Variants in NEBL observed in about 807,000 individuals in gnomAD.
The protein encoded by NEBL is LIM and SH3 protein 2.
In NEBL, 122 loss-of-function variants were observed where a neutral mutation model predicts 140.2. The observed-to-expected ratio is 0.87, with a 90% CI of 0.75 to 1.01. NEBL has a LOEUF of 1.01. Ranked by LOEUF, NEBL falls within the 50% of genes least tolerant of loss-of-function variation. The probability of loss-of-function intolerance (pLI) is 0.00; values close to 1 mark genes in which losing one functional copy is unlikely to be tolerated. For synonymous variants in NEBL, 436 were observed against 398.9 expected, an observed-to-expected ratio of 1.09 and a Z score of -1.11; for missense variants, 1,365 against 1,231.3, an observed-to-expected ratio of 1.11 and a Z score of -1.62.
intron 4 of NEBL, among the ~76,000 whole-genome samples, chr10:20,913,066 A>G (rs1281114069): frequency 1.3e-5 from 2 of 151,800 alleles, no homozygotes; most frequent in Non-Finnish European, 2.9e-5. Context: ...CCTGCTGTAA[A>G]TTGTTTTGAA....
chr10:20,947,527 AACTTCTAAAGATAT>A (rs1835228162), intron 4 of NEBL, among the ~76,000 whole-genome samples: 1 of 152,226 alleles, frequency 6.6e-6, no homozygotes, highest in Non-Finnish European at 1.5e-5. Context: ...CTAAATATTT[AACTTCTAAAGATAT>A]AATTGTAACA....
chr10:20,969,544 C>CTTT (rs771623257), intron 3 of NEBL, among the ~76,000 whole-genome samples: 9 of 115,754 alleles, frequency 7.8e-5, no homozygotes, highest in Non-Finnish European at 1.1e-4. Flanking sequence ...TTTTTCTTTT[C>CTTT]TTTTTTTTTT....
chr10:20,819,510 A>G lies in NEBL; in HGVS notation c.1969T>C (p.Tyr657His). 1 of 1,613,936 alleles carries G rather than the reference A, an allele frequency of 6.2e-7. No individual in the cohort carries two copies. Among genetic ancestry groups the G allele is most frequent in the African/African-American group, 1.3e-5 (1 of 74,994 alleles). Residue 657 changes from tyrosine to histidine, a missense_variant, in exon 20 of 28, where the codon TAT (tyrosine) becomes CAT (histidine). By Grantham distance (83) the Tyr-to-His change is moderately conservative. Around this residue, in one of 2 missense-constraint regions of NEBL, gnomAD observed 1,323 missense variants for 1,154.8 expected, o/e 1.15. Transcript: ENST00000377122. The part of the protein sequence containing the change: ...ENQKNISNLQ[Y>H]KEQNYKATPV... ...GTGGCCTTGTAGTTTTGCTCTTTAT[A>G]CTGGAGCTGAGAGACAAGGTGCAAG...
At chr10:20,882,597 TA>T (rs996263513) in intron 4 of NEBL, among the ~76,000 whole-genome samples, 11 of 152,206 alleles carry the variant, frequency 7.2e-5, no homozygotes, top group Non-Finnish European at 1.5e-4. Context: ...ATGAGTTTAC[TA>T]AACATTCTTG....
In NEBL at chr10:20,809,866, T is replaced by A; in HGVS notation, c.2551A>T (p.Ile851Phe). 6.2e-7 allele frequency: 1 copy of A among 1,610,536 alleles called. No individual in the cohort carries two copies. Among genetic ancestry groups the A allele is most frequent in the Non-Finnish European group, 8.5e-7 (1 of 1,179,530 alleles). ...LKVWRTDPGS[I>F]FDLDPLEDNI... ...TCTTCCAGGGGATCAAGGTCGAAGA[T>A]GGAGCCAGGATCTGTGCGCCAAACT... Residue 851 changes from isoleucine (I) to phenylalanine (F), a missense_variant, in exon 25 of 28, where the codon ATC (isoleucine) becomes TTC (phenylalanine). Physicochemically the swap from Ile to Phe is conservative, Grantham distance 21. This residue lies in a region of NEBL where 1,323 missense variants were observed against 1,154.8 expected (regional missense o/e 1.15). Transcript: ENST00000377122.
Position 21,129,991 on chromosome 10 carries a change from T to C in NEBL, c.164+42392A>G, listed in dbSNP as rs896106947. ...AAAAAAATATGACCTAACCATATTTTGTCTACAAGAAACCCATTTTAAACA... is the reference window on the plus strand; with the variant it reads ...AAAAAAATATGACCTAACCATATTTCGTCTACAAGAAACCCATTTTAAACA... On this transcript the variant is annotated intron_variant, in intron 2 of 6. Coordinates refer to the NEBL transcript ENST00000417816. Among the ~76,000 whole-genome samples, 6 of 152,150 alleles carry C rather than the reference T, an allele frequency of 3.9e-5. No homozygotes were observed. In the South Asian group the frequency reaches 6.2e-4, roughly 16 times the overall value.
chr10:20,806,155 C>G (rs539247394), intron 26 of NEBL, among the ~76,000 whole-genome samples: 6 of 152,232 alleles, frequency 3.9e-5, no homozygotes, highest in Admixed American at 2.0e-4. Flanking sequence ...AGGTGATTAA[C>G]TAACAGCAGC....
intron 3 of NEBL, among the ~76,000 whole-genome samples, chr10:21,235,642 G>C (rs1842338506): frequency 6.6e-6 from 1 of 152,202 alleles, no homozygotes; most frequent in Non-Finnish European, 1.5e-5. Flanking sequence ...TTCAACAGTT[G>C]TTCTCCCAAA....
chr10:20,985,053 G>A (rs1467246729), intron 3 of NEBL, among the ~76,000 whole-genome samples: 1 of 151,968 alleles, frequency 6.6e-6, no homozygotes, highest in Non-Finnish European at 1.5e-5. Flanking sequence ...ATAAGCTCGG[G>A]GCACTCACTG....
At chr10:20,833,550 C>A (rs1473781274) in intron 14 of NEBL, among the ~76,000 whole-genome samples, 1 of 151,806 alleles carries the variant, frequency 6.6e-6, no homozygotes, top group African/African-American at 2.4e-5. Flanking sequence ...TTCACCAGAG[C>A]CACGTGAATC....
chr10:21,092,843 AC>A (rs943889324), intron 2 of NEBL, among the ~76,000 whole-genome samples: 5 of 152,160 alleles, frequency 3.3e-5, no homozygotes, highest in East Asian at 1.9e-4. Context: ...TTGCCTTTTC[AC>A]CAGCTTATGT....
chr10:20,856,266 G>T (rs1843063731), intron 9 of NEBL, among the ~76,000 whole-genome samples: 1 of 152,156 alleles, frequency 6.6e-6, no homozygotes, highest in African/African-American at 2.4e-5. Flanking sequence ...AGAGATGATA[G>T]AAACAATTTA....
intron 2 of NEBL, among the ~76,000 whole-genome samples, chr10:21,119,763 C>G (rs1174928564): frequency 1.3e-5 from 2 of 151,958 alleles, no homozygotes; most frequent in Non-Finnish European, 2.9e-5. Context: ...ATTATATAGT[C>G]CATTTTCAAA....
chr10:21,019,792 G>A (rs548944538), intron 3 of NEBL, among the ~76,000 whole-genome samples: 6 of 152,272 alleles, frequency 3.9e-5, no homozygotes, highest in South Asian at 2.1e-4. Flanking sequence ...CCACATATGC[G>A]GTGTGGAAAA....
intron 3 of NEBL, among the ~76,000 whole-genome samples, chr10:21,191,054 T>C (rs948112238): frequency 1.1e-4 from 17 of 152,192 alleles, no homozygotes; most frequent in Admixed American, 9.8e-4. Flanking sequence ...TATTTTTTAT[T>C]GATGGAGGAA....
chr10:20,927,558 C>T (rs1346580699), intron 4 of NEBL, among the ~76,000 whole-genome samples: 1 of 152,194 alleles, frequency 6.6e-6, no homozygotes, highest in Non-Finnish European at 1.5e-5. Flanking sequence ...AGTAACAGTA[C>T]ATTAAAACCA....
chr10:20,853,128 C>G (rs560434119), intron 9 of NEBL, among the ~76,000 whole-genome samples: 1 of 152,164 alleles, frequency 6.6e-6, no homozygotes, highest in Non-Finnish European at 1.5e-5. Context: ...GACTCCACCA[C>G]AAAGAAGATT....
intron 26 of NEBL, among the ~76,000 whole-genome samples, chr10:20,807,408 C>T (rs924637588): frequency 1.3e-5 from 2 of 152,124 alleles, no homozygotes; most frequent in African/African-American, 2.4e-5. Flanking sequence ...TATTTTTACC[C>T]ACAATAAAAC....
At chr10:21,114,107 G>A (rs1255410408) in intron 2 of NEBL, among the ~76,000 whole-genome samples, 1 of 151,792 alleles carries the variant, frequency 6.6e-6, no homozygotes, top group African/African-American at 2.4e-5. Flanking sequence ...GTTGTTGTGG[G>A]TTTTAATATG....
Sources: gnomAD v4.1 joint callset for allele counts (sites outside exome capture counted in the v4.1 genomes callset) on GRCh38, gnomAD v4.1.1 for gene constraint, gnomAD v4.1.1 regional missense constraint, MANE v1.5 for transcripts, NCBI Gene and HGNC (gene_info 2026-07-23, HGNC 2026-07-21) for gene names.